MRTFA: variants seen among roughly 807,000 people sequenced by gnomAD.
MRTFA encodes the protein myocardin related transcription factor A, also known as myocardin-related transcription factor A.
In MRTFA, 20 loss-of-function variants were observed where a neutral mutation model predicts 83.5. The observed-to-expected ratio is 0.24, with a 90% confidence interval of 0.17 to 0.35. The LOEUF (loss-of-function observed/expected upper bound fraction) is 0.35. Among genes scored for constraint, MRTFA ranks in the 10% least tolerant of loss-of-function variants. MRTFA has a pLI of 1.00. For synonymous variants in MRTFA, 659 were observed against 541.2 expected (o/e 1.22, Z -3.02); for missense variants, 1,200 against 1,224.7 (o/e 0.98, Z 0.30).
intron 3 of MRTFA, among the ~76,000 whole-genome samples, chr22:40,513,212 C>G (rs528797345): frequency 6.6e-6 from 1 of 152,136 alleles, no homozygotes; most frequent in African/African-American, 2.4e-5. Flanking sequence ...ATCTTAGAAA[C>G]CTTAGAAGTA....
chr22:40,447,530 G>A (rs79893531), intron 4 of MRTFA, among the ~76,000 whole-genome samples: 4 of 152,086 alleles, frequency 2.6e-5, no homozygotes, highest in African/African-American at 7.2e-5. Flanking sequence ...AACAAGAAGA[G>A]TGGGTGGAAA....
intron 4 of MRTFA, among the ~76,000 whole-genome samples, chr22:40,452,465 T>C (rs2053511614): frequency 6.6e-6 from 1 of 152,172 alleles, no homozygotes; most frequent in Non-Finnish European, 1.5e-5. Context: ...TAACCAATTA[T>C]TAATGAAACT....
At chr22:40,611,112 TA>T (rs2056383093) in intron 1 of MRTFA, among the ~76,000 whole-genome samples, 1 of 152,040 alleles carries the variant, frequency 6.6e-6, no homozygotes, top group African/African-American at 2.4e-5. Context: ...CGATTTTTTG[TA>T]TTTTTAGTAG....
At chr22:40,563,715 G>C (rs558778386) in intron 2 of MRTFA, among the ~76,000 whole-genome samples, 3 of 152,234 alleles carry the variant, frequency 2.0e-5, no homozygotes, top group Admixed American at 1.3e-4. Context: ...GGTGCTGTCT[G>C]GGTATTGAGG....
chr22:40,635,599 G>C (rs73887844), intron 1 of MRTFA, among the ~76,000 whole-genome samples: 3,763 of 152,272 alleles, frequency 0.025, 158 homozygotes, highest in African/African-American at 0.086. Flanking sequence ...ATAACAGGGA[G>C]ACAACAGAGA....
intron 1 of MRTFA, among the ~76,000 whole-genome samples, chr22:40,625,993 CT>C (rs1210956331): frequency 4.0e-5 from 6 of 149,304 alleles, no homozygotes; most frequent in Non-Finnish European, 1.5e-5. Flanking sequence ...ATAACCCTTA[CT>C]TTTTTTTTTG....
At chr22:40,548,174 C>A (rs1419098299) in intron 3 of MRTFA, among the ~76,000 whole-genome samples, 1 of 151,770 alleles carries the variant, frequency 6.6e-6, no homozygotes, top group Non-Finnish European at 1.5e-5. Flanking sequence ...GCCTGGCCAA[C>A]ATGGTGAAAT....
chr22:40,464,607 G>A (rs2053782953), intron 3 of MRTFA, among the ~76,000 whole-genome samples: 1 of 152,098 alleles, frequency 6.6e-6, no homozygotes, highest in Non-Finnish European at 1.5e-5. Flanking sequence ...TAAGTCTTCA[G>A]GTGTAGGGGC....
At chr22:40,485,079 A>G (rs1486936376) in intron 3 of MRTFA, among the ~76,000 whole-genome samples, 1 of 152,106 alleles carries the variant, frequency 6.6e-6, no homozygotes, top group Non-Finnish European at 1.5e-5. Flanking sequence ...TCAAAAAAAA[A>G]AAAAAAATCT....
chr22:40,623,722 A>G (rs1316648103), intron 1 of MRTFA, among the ~76,000 whole-genome samples: 2 of 152,370 alleles, frequency 1.3e-5, no homozygotes, highest in African/African-American at 4.8e-5. Flanking sequence ...TTTGAGTACT[A>G]TGAAAATTAA....
At chr22:40,427,427 G>T (rs1174347098) in intron 7 of MRTFA, among the ~76,000 whole-genome samples, 3 of 152,106 alleles carry the variant, frequency 2.0e-5, no homozygotes, top group Non-Finnish European at 4.4e-5. Flanking sequence ...GCATGCGTTG[G>T]GGGTCTGCTG....
chr22:40,602,919 C>A (rs2056277069), intron 1 of MRTFA, among the ~76,000 whole-genome samples: 1 of 152,116 alleles, frequency 6.6e-6, no homozygotes, highest in Admixed American at 6.6e-5. Context: ...AAACTGGCAT[C>A]ACAAGAAAGC....
chr22:40,454,193 G>A (rs2053544888), intron 4 of MRTFA, among the ~76,000 whole-genome samples: 2 of 152,218 alleles, frequency 1.3e-5, no homozygotes, highest in South Asian at 4.1e-4. Context: ...CTAGAGTGCA[G>A]TGGCACAATC....
chr22:40,448,503 G>A (rs1039432041), intron 4 of MRTFA, among the ~76,000 whole-genome samples: 1 of 152,148 alleles, frequency 6.6e-6, no homozygotes, highest in East Asian at 1.9e-4. Flanking sequence ...GAAACAAAAT[G>A]CATGATGGGT....
intron 14 of MRTFA, among the ~76,000 whole-genome samples, chr22:40,413,756 T>C (rs2052614756): frequency 1.3e-5 from 2 of 152,162 alleles, no homozygotes; most frequent in Admixed American, 1.3e-4. Flanking sequence ...TTATCACAAT[T>C]TTTAAAAAAT....
intron 2 of MRTFA, among the ~76,000 whole-genome samples, chr22:40,557,581 G>A (rs1029577137): frequency 6.6e-6 from 1 of 151,754 alleles, no homozygotes; most frequent in East Asian, 1.9e-4. Flanking sequence ...GATCAGTCTC[G>A]GCAACATAGT....
chr22:40,567,766 T>C (rs1367386637), intron 2 of MRTFA, among the ~76,000 whole-genome samples: 1 of 152,004 alleles, frequency 6.6e-6, no homozygotes, highest in Non-Finnish European at 1.5e-5. Flanking sequence ...CAGGCAGTAG[T>C]TTGGGGGGAA....
intron 4 of MRTFA, among the ~76,000 whole-genome samples, chr22:40,449,855 C>A (rs1299515856): frequency 1.3e-5 from 2 of 152,172 alleles, no homozygotes; most frequent in Non-Finnish European, 2.9e-5. Context: ...CACACCCTGG[C>A]TAGGGCTTAA....
chr22:40,490,310 AC>A (rs1401510376), intron 3 of MRTFA, among the ~76,000 whole-genome samples: 1 of 152,166 alleles, frequency 6.6e-6, no homozygotes, highest in Non-Finnish European at 1.5e-5. Context: ...AATTCTTAAA[AC>A]TATTCTCAGC....
Sources: allele counts gnomAD v4.1 joint callset (sites outside exome capture counted in the v4.1 genomes callset), GRCh38; gene constraint gnomAD v4.1.1; transcripts MANE v1.5; gene names NCBI Gene and HGNC (gene_info 2026-07-23, HGNC 2026-07-21).